TENM3: variants seen among roughly 807,000 people sequenced by gnomAD.
The protein encoded by TENM3 is teneurin transmembrane protein 3, also known as teneurin-3.
TENM3 carries 63 observed loss-of-function variants against 255.1 expected under a neutral mutation model. That is an observed-to-expected ratio of 0.25 (90% confidence interval 0.20 to 0.30). The LOEUF (loss-of-function observed/expected upper bound fraction) is 0.30, where lower values mean the gene tolerates loss of function less well. TENM3 is among the 10% of genes least tolerant of loss of function. The pLI, the probability that TENM3 is intolerant of heterozygous loss-of-function variation, is 1.00. For synonymous variants in TENM3, 1,306 were observed against 1,322.3 expected (o/e 0.99, Z 0.27); for missense variants, 2,929 against 3,461.1 (o/e 0.85, Z 3.86).
intron 3 of TENM3, among the ~76,000 whole-genome samples, chr4:182,371,905 G>A (rs1474573114): frequency 6.6e-6 from 1 of 152,046 alleles, no homozygotes; most frequent in African/African-American, 2.4e-5. Flanking sequence ...CCTAAAAGTC[G>A]ATGCAACTTT....
chr4:182,345,392 A>G (rs1165353746), intron 2 of TENM3, among the ~76,000 whole-genome samples: 1 of 152,238 alleles, frequency 6.6e-6, no homozygotes, highest in African/African-American at 2.4e-5. Flanking sequence ...ATATCAACCT[A>G]TTAGCATTAA....
chr4:181,680,812 A>G, the TENM3 span, among the ~76,000 whole-genome samples: 104 of 152,112 alleles, frequency 6.8e-4, no homozygotes, highest in Non-Finnish European at 1.5e-3. Context: ...TAATCTCAAC[A>G]TTCTAAATTT....
the TENM3 span, among the ~76,000 whole-genome samples, chr4:182,015,315 G>A: frequency 6.6e-6 from 1 of 152,100 alleles, no homozygotes; most frequent in African/African-American, 2.4e-5. Flanking sequence ...GCAGCCAGGT[G>A]GTCATACAGC....
intron 2 of TENM3, among the ~76,000 whole-genome samples, chr4:182,332,543 A>G (rs1487745943): frequency 6.6e-6 from 1 of 151,868 alleles, no homozygotes; most frequent in African/African-American, 2.4e-5. Context: ...AAAATTCAAA[A>G]ACTAGCTGGG....
the TENM3 span, among the ~76,000 whole-genome samples, chr4:181,841,616 T>G: frequency 6.6e-6 from 1 of 152,202 alleles, no homozygotes; most frequent in Non-Finnish European, 1.5e-5. Context: ...TTCAGTTTTC[T>G]TATATTTTTG....
chr4:181,785,402 C>T, the TENM3 span, among the ~76,000 whole-genome samples: 1 of 152,172 alleles, frequency 6.6e-6, no homozygotes, highest in Non-Finnish European at 1.5e-5. Flanking sequence ...CTCTTCTGAG[C>T]TTGCCTCCCA....
intron 3 of TENM3, among the ~76,000 whole-genome samples, chr4:182,449,737 A>G (rs1447209830): frequency 6.6e-6 from 1 of 152,250 alleles, no homozygotes; most frequent in Non-Finnish European, 1.5e-5. Context: ...TGCCTGCGAA[A>G]TACGTAGTGT....
At chr4:182,504,106 A>T (rs922028854) in intron 3 of TENM3, among the ~76,000 whole-genome samples, 1 of 151,880 alleles carries the variant, frequency 6.6e-6, no homozygotes, top group Non-Finnish European at 1.5e-5. Context: ...ATTACTGTGT[A>T]CTCAGTACCC....
chr4:182,362,943 C>G (rs992619638), intron 3 of TENM3, among the ~76,000 whole-genome samples: 1 of 152,136 alleles, frequency 6.6e-6, no homozygotes, highest in African/African-American at 2.4e-5. Flanking sequence ...TTGGTGTTTG[C>G]TATAGAAAAG....
chr4:182,081,801 C>T, the TENM3 span: 1 of 151,988 alleles, frequency 6.6e-6, no homozygotes, highest in Non-Finnish European at 1.5e-5. Context: ...CTTGATCCAT[C>T]CAACGCAGAA....
At chr4:182,327,117 C>T (rs1222770843) in intron 2 of TENM3, among the ~76,000 whole-genome samples, 1 of 152,160 alleles carries the variant, frequency 6.6e-6, no homozygotes, top group Non-Finnish European at 1.5e-5. Flanking sequence ...TCCTTCCAGG[C>T]TTTCATTTTC....
At chr4:181,883,840 A>G in the TENM3 span, among the ~76,000 whole-genome samples, 1 of 152,178 alleles carries the variant, frequency 6.6e-6, no homozygotes. Flanking sequence ...TGGCAGGAAC[A>G]AGGAGAATAG....
chr4:182,730,287 A>AT lies in TENM3; in HGVS notation c.2674dup (p.Tyr892LeufsTer13). The AT allele has an allele frequency of 6.2e-7, 1 of 1,613,826 alleles. No individual in the cohort carries two copies. The highest frequency in any genetic ancestry group is 8.5e-7 in the Non-Finnish European group (1 of 1,179,798). ...ATGTCTCGTTTTTCCATTACCCAGAATATGGATATACTATTACCCGCCAGG... is the reference window on the plus strand; with the variant it reads ...ATGTCTCGTTTTTCCATTACCCAGAATTATGGATATACTATTACCCGCCAGG... On this transcript the variant is annotated frameshift_variant, in exon 15 of 28. Transcript: ENST00000511685. LOFTEE classifies it high-confidence loss of function.
At chr4:181,966,613 G>A in the TENM3 span, among the ~76,000 whole-genome samples, 1 of 152,228 alleles carries the variant, frequency 6.6e-6, no homozygotes, top group Admixed American at 6.5e-5. Context: ...CCCAAGGGCA[G>A]ATGTAAGGTT....
At chr4:182,635,952 C>G (rs1338372074) in intron 5 of TENM3, among the ~76,000 whole-genome samples, 1 of 152,216 alleles carries the variant, frequency 6.6e-6, no homozygotes, top group East Asian at 1.9e-4. Context: ...CATGAAAAAT[C>G]AGCCATTTAA....
chr4:182,773,925 C>T lies in TENM3; in HGVS notation c.5068+278C>T, dbSNP rs141292827. On this transcript the variant is annotated intron_variant, in intron 23 of 27. Coordinates refer to ENST00000511685, the MANE Select transcript of TENM3 (RefSeq NM_001080477.4). ...CCAGCCCTTCACATGCATCATCAGGCGATTTTTGCATCACCTAAGAGTTTT... is the reference window on the plus strand; with the variant it reads ...CCAGCCCTTCACATGCATCATCAGGTGATTTTTGCATCACCTAAGAGTTTT... The T allele has an allele frequency of 7.0e-3, 1,750 of 250,916 alleles. 45 individuals carry two copies. The highest frequency in any genetic ancestry group is 5.0e-3 in the Non-Finnish European group (663 of 132,380). 15.5% of individuals were successfully genotyped at this position (250,916 alleles called of 1,614,324 possible).
chr4:182,638,081 C>T (rs908924018), intron 5 of TENM3, among the ~76,000 whole-genome samples: 1 of 151,270 alleles, frequency 6.6e-6, no homozygotes, highest in Non-Finnish European at 1.5e-5. Flanking sequence ...TACCTAGAGC[C>T]CAGTGTTCCA....
At chr4:182,762,088 A>G (rs183495127) in intron 22 of TENM3, among the ~76,000 whole-genome samples, 146 of 152,366 alleles carry the variant, frequency 9.6e-4, no homozygotes, top group African/African-American at 3.4e-3. Flanking sequence ...GGGAAAGAGT[A>G]TGTTGTTCAG....
chr4:181,888,548 A>ATATGTGTATATATATG, the TENM3 span, among the ~76,000 whole-genome samples: 4 of 99,976 alleles, frequency 4.0e-5, no homozygotes, highest in African/African-American at 1.6e-4. Context: ...ATATATATAT[A>ATATGTGTATATATATG]TGTATATATA....
Sources: gnomAD v4.1 joint callset for allele counts (sites outside exome capture counted in the v4.1 genomes callset) on GRCh38, gnomAD v4.1.1 for gene constraint, MANE v1.5 for transcripts, NCBI Gene and HGNC (gene_info 2026-07-23, HGNC 2026-07-21) for gene names.